Variants in MTUS2 observed in about 807,000 individuals in gnomAD.
MTUS2 encodes microtubule-associated tumor suppressor candidate 2.
In MTUS2, 40 loss-of-function variants were observed where a neutral mutation model predicts 114.1. That is an observed-to-expected ratio of 0.35 (90% CI 0.27 to 0.46). The LOEUF is 0.46. Among genes scored for constraint, MTUS2 ranks in the 20% least tolerant of loss-of-function variants. The probability of loss-of-function intolerance (pLI) is 1.00; values close to 1 mark genes in which losing one functional copy is unlikely to be tolerated. For missense variants in MTUS2, 1,679 were observed against 1,705.4 expected (o/e 0.98, Z 0.27); for synonymous variants, 688 against 672.0 (o/e 1.02, Z -0.37).
rs143548234 is a variant in MTUS2 at position 29,415,255 on chromosome 13, T to C, written c.3118-24728T>C. Among the ~76,000 whole-genome samples, 13 of 152,308 alleles carry C rather than the reference T, an allele frequency of 8.5e-5. No homozygotes were observed. In the East Asian group the frequency reaches 2.1e-3, roughly 25 times the overall value. On this transcript the variant is annotated intron_variant, in intron 8 of 15. Transcript: ENST00000612955. ...GCATTTGAAAAACAGGTATAGTCAC[T>C]ATTATCAAAGTATAAAGTTCAATAT...
chr13:28,997,232 T>C (rs1885154780), intron 2 of MTUS2, among the ~76,000 whole-genome samples: 1 of 152,234 alleles, frequency 6.6e-6, no homozygotes, highest in Non-Finnish European at 1.5e-5. Flanking sequence ...TCCTGAGTTC[T>C]AGTTTGATTG....
intron 2 of MTUS2, among the ~76,000 whole-genome samples, chr13:28,948,907 G>C (rs974104556): frequency 1.3e-5 from 2 of 152,288 alleles, no homozygotes; most frequent in South Asian, 4.1e-4. Context: ...TGGGTGTCCA[G>C]TGGGTCCCCC....
At position 29,025,201 on chromosome 13, in the gene MTUS2, A is replaced by G. The variant is rs370669805; in HGVS notation, c.503A>G (p.Asp168Gly). 2.0e-4 allele frequency: 325 copies of G among 1,613,880 alleles called. No individual in the cohort carries two copies. The highest frequency in any genetic ancestry group is 2.6e-4 in the Non-Finnish European group (310 of 1,179,898). ...VPKDKLAKTL[D>G]NEELRRHSLE... ...AAGGATAAACTGGCAAAGACCCTTG[A>G]CAATGAGGAACTGAGGAGGCATTCT... Residue 168 changes from aspartate to glycine, a missense_variant, in exon 3 of 16, where the codon GAC becomes GGC. By Grantham distance (94) the Asp-to-Gly change is moderately conservative (BLOSUM62 -1). Around this residue, in one of 3 missense-constraint regions of MTUS2, gnomAD observed 843 missense variants for 770.8 expected, o/e 1.09. Coordinates refer to ENST00000612955, the MANE Select transcript of MTUS2 (RefSeq NM_001033602.4).
chr13:29,307,611 G>T, intron 6 of MTUS2: 1 of 1,166,728 alleles, frequency 8.6e-7, no homozygotes, highest in South Asian at 1.2e-5. Context: ...GCTACACTGA[G>T]TACCAGCTTG....
chr13:29,323,535 C>T (rs1157831395), intron 6 of MTUS2, among the ~76,000 whole-genome samples: 2 of 152,140 alleles, frequency 1.3e-5, no homozygotes, highest in Non-Finnish European at 2.9e-5. Flanking sequence ...CAGGCGTGAG[C>T]CACCACGCCC....
At chr13:28,876,461 C>T (rs143945954) in intron 2 of MTUS2, among the ~76,000 whole-genome samples, 2 of 152,208 alleles carry the variant, frequency 1.3e-5, no homozygotes, top group Non-Finnish European at 2.9e-5. Flanking sequence ...TGTCCTGGCT[C>T]TCTTCTCCAC....
intron 5 of MTUS2, among the ~76,000 whole-genome samples, chr13:29,221,698 C>T (rs1419471176): frequency 6.6e-6 from 1 of 151,862 alleles, no homozygotes; most frequent in Non-Finnish European, 1.5e-5. Flanking sequence ...ATTTATCATT[C>T]TTTTTCATTA....
In MTUS2 at chr13:29,367,041, A is replaced by G. The variant is rs559892465; in HGVS notation, c.3117+7568A>G. 5.9e-5 allele frequency among the ~76,000 whole-genome samples: 9 copies of G among 152,226 alleles called. No individual in the cohort carries two copies. In the South Asian group the frequency reaches 6.2e-4, roughly 11 times the overall value. On this transcript the variant is annotated intron_variant, in intron 8 of 15. Coordinates refer to ENST00000612955, the MANE Select transcript of MTUS2 (RefSeq NM_001033602.4). The stretch of plus-strand genomic sequence containing the variant: ...ATGGTCCATCCTAATCATTCTGTCT[A>G]TGGTCCATCCGCTTGGTAAATGGAT...
At chr13:29,201,338 T>G (rs1211800913) in intron 5 of MTUS2, among the ~76,000 whole-genome samples, 1 of 109,822 alleles carries the variant, frequency 9.1e-6, no homozygotes, top group East Asian at 4.1e-4. Context: ...CAACCCCTGT[T>G]TTTTTTTTTC....
intron 5 of MTUS2, among the ~76,000 whole-genome samples, chr13:29,193,574 C>G (rs141946772): frequency 0.011 from 1,642 of 152,238 alleles, 26 homozygotes; most frequent in African/African-American, 0.038. Flanking sequence ...CTACAAACCA[C>G]TGCTCAATGA....
At chr13:29,222,953 A>G (rs1196743465) in intron 5 of MTUS2, among the ~76,000 whole-genome samples, 2 of 152,212 alleles carry the variant, frequency 1.3e-5, no homozygotes, top group African/African-American at 4.8e-5. Context: ...GACTTTGGGC[A>G]CCAACGAACA....
intron 7 of MTUS2, among the ~76,000 whole-genome samples, chr13:29,337,793 G>GTT (rs567260002): frequency 6.0e-5 from 8 of 132,620 alleles, no homozygotes; most frequent in Admixed American, 1.5e-4. Flanking sequence ...GTTTGTTTTG[G>GTT]TTTTTTTTTT....
intron 5 of MTUS2, among the ~76,000 whole-genome samples, chr13:29,159,101 T>C (rs1378729151): frequency 1.3e-5 from 2 of 152,238 alleles, no homozygotes; most frequent in Non-Finnish European, 2.9e-5. Context: ...TGATTGATAC[T>C]GAAAAATTCA....
intron 2 of MTUS2, among the ~76,000 whole-genome samples, chr13:28,883,674 A>T (rs1878425848): frequency 6.6e-6 from 1 of 152,200 alleles, no homozygotes; most frequent in Non-Finnish European, 1.5e-5. Context: ...AAGGGGTAGC[A>T]GGAGGAGGCA....
chr13:28,864,852 T>C (rs1003166793), intron 2 of MTUS2, among the ~76,000 whole-genome samples: 1 of 152,226 alleles, frequency 6.6e-6, no homozygotes, highest in Non-Finnish European at 1.5e-5. Flanking sequence ...CACTAGCTTA[T>C]TTTCATGAGT....
intron 12 of MTUS2, among the ~76,000 whole-genome samples, 198 bp from the exon 13 acceptor site, chr13:29,497,040 G>A (rs1162869985): frequency 1.3e-5 from 2 of 152,094 alleles, no homozygotes; most frequent in African/African-American, 2.4e-5. Context: ...GGAGGGAGCC[G>A]AGGGCAGGCG....
chr13:28,844,993 T>C (rs933920612), intron 2 of MTUS2, among the ~76,000 whole-genome samples: 2 of 152,172 alleles, frequency 1.3e-5, no homozygotes, highest in Non-Finnish European at 2.9e-5. Flanking sequence ...TTTCACCTTA[T>C]CACCCAGGCT....
chr13:29,060,543 CTTT>C (rs1162860492), intron 4 of MTUS2, among the ~76,000 whole-genome samples: 2 of 101,204 alleles, frequency 2.0e-5, no homozygotes, highest in Non-Finnish European at 3.9e-5. Flanking sequence ...CCTAGCCCTT[CTTT>C]TTTTTTTTTT....
intron 9 of MTUS2, among the ~76,000 whole-genome samples, chr13:29,453,482 A>G (rs1878885917): frequency 6.6e-6 from 1 of 152,182 alleles, no homozygotes; most frequent in African/African-American, 2.4e-5. Context: ...ATGCCTGTGT[A>G]TTGGAGAGAC....
Sources: gnomAD v4.1 joint callset for allele counts (sites outside exome capture counted in the v4.1 genomes callset) on GRCh38, gnomAD v4.1.1 for gene constraint, gnomAD v4.1.1 regional missense constraint, MANE v1.5 for transcripts, NCBI Gene and HGNC (gene_info 2026-07-23, HGNC 2026-07-21) for gene names.